Variants in DYM observed in about 807,000 individuals in gnomAD.
DYM encodes dyggve-Melchior-Clausen syndrome protein.
DYM carries 78 observed loss-of-function variants against 93.1 expected under a neutral mutation model. The ratio of observed to expected loss-of-function variants is 0.84; its 90% CI spans 0.70 to 1.01. DYM has a LOEUF of 1.01. Among genes scored for constraint, DYM ranks in the 50% least tolerant of loss-of-function variants. DYM has a pLI of 0.00. For missense variants in DYM, 789 were observed against 845.0 expected, an observed-to-expected ratio of 0.93 and a Z score of 0.82; for synonymous variants, 321 against 319.7, an observed-to-expected ratio of 1.00 and a Z score of -0.04.
intron 14 of DYM, among the ~76,000 whole-genome samples, chr18:49,206,801 A>C (rs1316962145): frequency 6.6e-6 from 1 of 152,196 alleles, no homozygotes; most frequent in Admixed American, 6.5e-5. Context: ...GATATTGAAA[A>C]AATACCCCCT....
chr18:49,109,634 A>G (rs1490354721), intron 16 of DYM, among the ~76,000 whole-genome samples: 3 of 152,328 alleles, frequency 2.0e-5, no homozygotes, highest in African/African-American at 7.2e-5. Context: ...GAGCATCTGC[A>G]TTACCACACT....
chr18:49,202,142 A>C (rs530381106), intron 14 of DYM, among the ~76,000 whole-genome samples: 1 of 152,278 alleles, frequency 6.6e-6, no homozygotes, highest in South Asian at 2.1e-4. Context: ...CCTATGACAA[A>C]CTTTTGGCCA....
chr18:49,368,435 T>C (rs2066703485), intron 5 of DYM, among the ~76,000 whole-genome samples: 1 of 152,204 alleles, frequency 6.6e-6, no homozygotes, highest in African/African-American at 2.4e-5. Flanking sequence ...GTCAATATTT[T>C]AAAGGAATAA....
chr18:49,061,955 T>A (rs191065914), intron 17 of DYM, among the ~76,000 whole-genome samples: 2 of 152,250 alleles, frequency 1.3e-5, no homozygotes, highest in Non-Finnish European at 1.5e-5. Context: ...TCCTAATAAG[T>A]CTTTATTTTT....
chr18:49,336,108 C>A (rs956988400), intron 6 of DYM, among the ~76,000 whole-genome samples: 1 of 152,146 alleles, frequency 6.6e-6, no homozygotes. Flanking sequence ...GCCATCGTGC[C>A]AGACTGCAAA....
At chr18:49,239,645 A>G (rs1186338210) in intron 13 of DYM, among the ~76,000 whole-genome samples, 1 of 152,212 alleles carries the variant, frequency 6.6e-6, no homozygotes, top group Non-Finnish European at 1.5e-5. Context: ...GCAAGGTCAC[A>G]AGAAGAAGAA....
Position 49,040,124 on chromosome 18 carries a change from A to G in DYM, c.*3931T>C, listed in dbSNP as rs1484576159. On this transcript the variant is annotated 3_prime_UTR_variant, in exon 18 of 18. Transcript: ENST00000675505. ...ACTACCCATGAGGGATAGTCCAATG[A>G]CAGTAATGGAGGACCAACCCTCAAG... is the stretch of plus-strand genomic sequence containing the variant. 1 of 152,236 alleles carries G rather than the reference A, an allele frequency of 6.6e-6. No homozygotes were observed. The highest frequency in any genetic ancestry group is 1.5e-5 in the Non-Finnish European group (1 of 68,038). 9.4% of individuals were successfully genotyped at this position (152,236 alleles called of 1,614,324 possible). A position where few individuals can be genotyped will look rare whatever the true frequency, so the allele number is the denominator to read the frequency against.
chr18:49,097,040 C>A (rs1478566650), intron 17 of DYM: 1 of 356,856 alleles, frequency 2.8e-6, no homozygotes, highest in Admixed American at 4.1e-5. Context: ...CTGTGTGGCA[C>A]TGAGTCACAC....
chr18:49,073,512 A>G (rs1227138274), intron 17 of DYM, among the ~76,000 whole-genome samples: 1 of 152,252 alleles, frequency 6.6e-6, no homozygotes, highest in Admixed American at 6.5e-5. Flanking sequence ...GTCTTAAATA[A>G]TGGCTTCAGG....
chr18:49,398,658 G>C (rs1306736627), intron 2 of DYM, among the ~76,000 whole-genome samples: 2 of 152,204 alleles, frequency 1.3e-5, no homozygotes, highest in African/African-American at 4.8e-5. Context: ...CCAGAAGCCT[G>C]AGTGTGTTCC....
chr18:49,115,216 A>C (rs1360426757), intron 16 of DYM, among the ~76,000 whole-genome samples: 1 of 152,246 alleles, frequency 6.6e-6, no homozygotes, highest in Non-Finnish European at 1.5e-5. Flanking sequence ...ATTAGAAAAG[A>C]AGCAAATGGC....
intron 15 of DYM, among the ~76,000 whole-genome samples, chr18:49,131,139 A>G (rs74507239): frequency 1.3e-5 from 2 of 152,196 alleles, no homozygotes; most frequent in East Asian, 3.8e-4. Context: ...CAAAATGCTA[A>G]CCCGAAACAA....
chr18:49,213,394 T>C (rs2092883226), intron 13 of DYM, among the ~76,000 whole-genome samples: 1 of 151,826 alleles, frequency 6.6e-6, no homozygotes, highest in Admixed American at 6.6e-5. Context: ...CCTCCCGGGT[T>C]CAAGCAATTC....
At chr18:49,392,276 T>C (rs1214076311) in intron 2 of DYM, among the ~76,000 whole-genome samples, 1 of 152,102 alleles carries the variant, frequency 6.6e-6, no homozygotes, top group African/African-American at 2.4e-5. Flanking sequence ...TTTCTTGAGA[T>C]TGCATTTGAC....
chr18:49,189,989 C>T (rs1012679188), intron 14 of DYM, among the ~76,000 whole-genome samples: 2 of 152,224 alleles, frequency 1.3e-5, no homozygotes, highest in South Asian at 2.1e-4. Flanking sequence ...TCTTTTCCTT[C>T]CGTTAAACTA....
At chr18:49,351,901 G>A (rs2065147171) in intron 6 of DYM, among the ~76,000 whole-genome samples, 1 of 152,188 alleles carries the variant, frequency 6.6e-6, no homozygotes, top group Non-Finnish European at 1.5e-5. Flanking sequence ...AGAAAATAGT[G>A]AAGAGGAATC....
chr18:49,373,952 G>T (rs1046084391), intron 5 of DYM, among the ~76,000 whole-genome samples: 1 of 152,024 alleles, frequency 6.6e-6, no homozygotes, highest in African/African-American at 2.4e-5. Context: ...ACTAACACAC[G>T]CAAGACACAA....
chr18:49,356,989 C>T (rs1163510277), intron 6 of DYM, among the ~76,000 whole-genome samples: 2 of 152,082 alleles, frequency 1.3e-5, no homozygotes, highest in East Asian at 3.9e-4. Flanking sequence ...ATCTTTAGTC[C>T]TCTAACATTT....
intron 8 of DYM, among the ~76,000 whole-genome samples, chr18:49,288,449 A>G (rs1444146867): frequency 1.3e-5 from 2 of 152,134 alleles, no homozygotes; most frequent in Non-Finnish European, 2.9e-5. Flanking sequence ...GTAAAGGCAT[A>G]ACATGTTTCT....
Sources: gnomAD v4.1 joint callset for allele counts (sites outside exome capture counted in the v4.1 genomes callset) on GRCh38, gnomAD v4.1.1 for gene constraint, MANE v1.5 for transcripts, NCBI Gene and HGNC (gene_info 2026-07-23, HGNC 2026-07-21) for gene names.